Variants in PCDH11X observed in about 807,000 individuals in gnomAD.
PCDH11X encodes the protein protocadherin-11 X-linked.
Under a neutral mutation model 53.3 loss-of-function variants are expected in PCDH11X, and 18 were observed. That is an observed-to-expected ratio of 0.34 (90% confidence interval 0.23 to 0.50). The LOEUF (loss-of-function observed/expected upper bound fraction) is 0.50, where lower values mean the gene tolerates loss of function less well. Among genes scored for constraint, PCDH11X ranks in the 20% least tolerant of loss-of-function variants. The pLI is 0.98. For synonymous variants in PCDH11X, 279 were observed against 393.3 expected, an observed-to-expected ratio of 0.71 and a Z score of 3.44; for missense variants, 570 against 1,032.4, an observed-to-expected ratio of 0.55 and a Z score of 6.14.
rs756889261 is a variant in PCDH11X, at chrX:92,504,527, T to G, written c.3367+36205T>G. 2.2e-3 allele frequency among the ~76,000 whole-genome samples: 249 copies of G among 111,765 alleles called. 1 individual carries two copies. Among genetic ancestry groups the G allele is most frequent in the African/African-American group, 7.8e-3 (241 of 30,833 alleles). ...CCAGTCAACCATATATGTACCACAT[T>G]TTCTTTATCCAGTCAACCATGGATG... On this transcript the variant is annotated intron_variant, in intron 10 of 10. Coordinates refer to ENST00000682573, the MANE Select transcript of PCDH11X (RefSeq NM_032968.5).
intron 10 of PCDH11X, among the ~76,000 whole-genome samples, chrX:92,506,622 G>A (rs2074066101): frequency 1.0e-5 from 1 of 96,281 alleles, no homozygotes; most frequent in Admixed American, 1.1e-4. Flanking sequence ...TGTGCTAATG[G>A]ATTCAGTTTG....
intron 10 of PCDH11X, among the ~76,000 whole-genome samples, chrX:92,607,400 T>C (rs938894723): frequency 1.1e-4 from 12 of 111,681 alleles, no homozygotes; most frequent in African/African-American, 3.6e-4. Flanking sequence ...ATTGCATTTC[T>C]ATTATATGTA....
At chrX:91,992,966 G>A (rs916403385) in intron 6 of PCDH11X, among the ~76,000 whole-genome samples, 1 of 110,959 alleles carries the variant, frequency 9.0e-6, no homozygotes, top group Non-Finnish European at 1.9e-5. Context: ...AATAACCTAT[G>A]TTTTTGAATT....
intron 7 of PCDH11X, among the ~76,000 whole-genome samples, chrX:92,236,774 T>C (rs2067178673): frequency 9.0e-6 from 1 of 111,316 alleles, no homozygotes; most frequent in Admixed American, 9.6e-5. Flanking sequence ...TAAATCCTTT[T>C]ATCTGGTTAA....
At chrX:92,282,433 C>T (rs1235952766) in intron 8 of PCDH11X, among the ~76,000 whole-genome samples, 2 of 111,134 alleles carry the variant, frequency 1.8e-5, no homozygotes, top group Admixed American at 9.6e-5. Context: ...ATATATTTTG[C>T]AGGACTGAAA....
intron 8 of PCDH11X, among the ~76,000 whole-genome samples, chrX:92,340,129 G>A (rs367758762): frequency 1.7e-3 from 189 of 111,862 alleles, no homozygotes; most frequent in African/African-American, 5.7e-3. Flanking sequence ...CTACAAAATA[G>A]TCTCCTTTGA....
chrX:91,947,412 C>A (rs1335229540), intron 6 of PCDH11X, among the ~76,000 whole-genome samples: 1 of 100,868 alleles, frequency 9.9e-6, no homozygotes, highest in Non-Finnish European at 2.0e-5. Context: ...TGCATACATA[C>A]ACTGTACAAA....
At chrX:91,923,536 A>G (rs73242597) in intron 6 of PCDH11X, among the ~76,000 whole-genome samples, 2,261 of 109,866 alleles carry the variant, frequency 0.021, 24 homozygotes, top group Non-Finnish European at 0.032. Context: ...GTGATTTGCC[A>G]GAGGGTCCTG....
At chrX:92,495,305 T>C (rs1845669234) in intron 10 of PCDH11X, among the ~76,000 whole-genome samples, 1 of 109,515 alleles carries the variant, frequency 9.1e-6, no homozygotes, top group African/African-American at 3.3e-5. Context: ...TAATGATTCA[T>C]GCGGCTTCAT....
intron 4 of PCDH11X, among the ~76,000 whole-genome samples, chrX:91,813,998 T>G (rs1309859932): frequency 9.5e-6 from 1 of 105,485 alleles, no homozygotes; most frequent in Non-Finnish European, 2.0e-5. Context: ...TGTCAAATTT[T>G]TATTATTTTC....
intron 10 of PCDH11X, among the ~76,000 whole-genome samples, chrX:92,481,489 T>C (rs1041202255): frequency 9.1e-6 from 1 of 109,753 alleles, no homozygotes; most frequent in African/African-American, 3.3e-5. Context: ...TCTCTGCCAG[T>C]GTGGTGCAGT....
intron 6 of PCDH11X, among the ~76,000 whole-genome samples, chrX:91,881,485 A>G (rs943338726): frequency 9.0e-6 from 1 of 111,599 alleles, no homozygotes; most frequent in African/African-American, 3.2e-5. Flanking sequence ...ATTGGTTCAC[A>G]GTTGTTTCAT....
Position 92,481,744 on chromosome X carries a change from G to A in PCDH11X, c.3367+13422G>A, listed in dbSNP as rs34488743. 2.6e-4 allele frequency among the ~76,000 whole-genome samples: 29 copies of A among 111,668 alleles called. No individual in the cohort carries two copies. In the East Asian group the frequency reaches 6.8e-3, roughly 26 times the overall value. On this transcript the variant is annotated intron_variant, in intron 10 of 10. Transcript: ENST00000682573. The stretch of plus-strand genomic sequence containing the variant: ...ACCATGCTCTGCTACAGACGCTCCC[G>A]CACCAAACCCTCTGCGCTCCTCACT...
intron 6 of PCDH11X, among the ~76,000 whole-genome samples, chrX:91,886,402 T>A (rs1940196764): frequency 9.0e-6 from 1 of 110,868 alleles, no homozygotes; most frequent in African/African-American, 3.3e-5. Context: ...TACTGTATAC[T>A]TTCTCCCCTG....
At chrX:92,192,119 T>A (rs1215192694) in intron 6 of PCDH11X, among the ~76,000 whole-genome samples, 2 of 111,486 alleles carry the variant, frequency 1.8e-5, no homozygotes, top group Admixed American at 1.9e-4. Context: ...TTCTGTCTCC[T>A]TGCCCCACAC....
chrX:91,992,528 A>G (rs1383340286), intron 6 of PCDH11X, among the ~76,000 whole-genome samples: 1 of 93,091 alleles, frequency 1.1e-5, no homozygotes, highest in Non-Finnish European at 2.1e-5. Flanking sequence ...TCTTGTGGCT[A>G]TGGGTGGTGT....
At chrX:92,508,138 A>G (rs2074098051) in intron 10 of PCDH11X, among the ~76,000 whole-genome samples, 1 of 111,041 alleles carries the variant, frequency 9.0e-6, no homozygotes, top group Non-Finnish European at 1.9e-5. Context: ...TTTATCATTT[A>G]TATGCATGAA....
chrX:92,557,432 A>T (rs2075063178), intron 10 of PCDH11X, among the ~76,000 whole-genome samples: 1 of 110,495 alleles, frequency 9.1e-6, no homozygotes, highest in Admixed American at 9.7e-5. Context: ...TCTCTAGAGC[A>T]GGGGCAAAAT....
chrX:92,008,645 T>G (rs2147975554), intron 6 of PCDH11X, among the ~76,000 whole-genome samples: 1 of 108,939 alleles, frequency 9.2e-6, no homozygotes, highest in East Asian at 2.9e-4. Context: ...TTTTTTTTCC[T>G]GTATAGATAG....
Sources: gnomAD v4.1 joint callset for allele counts (sites outside exome capture counted in the v4.1 genomes callset) on GRCh38, gnomAD v4.1.1 for gene constraint, MANE v1.5 for transcripts, NCBI Gene and HGNC (gene_info 2026-07-23, HGNC 2026-07-21) for gene names.